ENOSF1: variants seen among roughly 807,000 people sequenced by gnomAD.
ENOSF1 encodes the protein enolase superfamily member 1.
In ENOSF1, 73 loss-of-function variants were observed where a neutral mutation model predicts 68.2. The observed-to-expected ratio is 1.07, with a 90% CI of 0.89 to 1.30. The LOEUF is 1.30. ENOSF1 is among the 50% of genes most tolerant of loss of function. The probability of loss-of-function intolerance (pLI) is 0.00; values close to 1 mark genes in which losing one functional copy is unlikely to be tolerated. For missense variants in ENOSF1, 589 were observed against 554.5 expected, an observed-to-expected ratio of 1.06 and a Z score of -0.62; for synonymous variants, 223 against 210.4, an observed-to-expected ratio of 1.06 and a Z score of -0.52.
chr18:697,786 G>GTTTTC (rs369038456), intron 2 of ENOSF1, among the ~76,000 whole-genome samples: 22 of 152,106 alleles, frequency 1.4e-4, no homozygotes, highest in Middle Eastern at 3.4e-3. Context: ...CATCAAATAT[G>GTTTTC]TTTTCTTTTC....
At chr18:684,112 G>A (rs562124899) in intron 10 of ENOSF1, among the ~76,000 whole-genome samples, 1 of 151,922 alleles carries the variant, frequency 6.6e-6, no homozygotes, top group Admixed American at 6.6e-5. Flanking sequence ...TCCTGCCTCA[G>A]CCTCCCGAGT....
At position 673,054 on chromosome 18, in the gene ENOSF1, C is replaced by T. The variant is rs2075139288; in HGVS notation, c.*1251G>A. ...CAGTCTTTAGGGGTTGGGCTGGATG[C>T]CGAGGTAAAAGTTCTTTTTGCTCTA... On this transcript the variant is annotated 3_prime_UTR_variant, in exon 16 of 16. Coordinates refer to ENST00000647584, the MANE Select transcript of ENOSF1 (RefSeq NM_017512.7). The T allele has an allele frequency of 2.8e-6, 4 of 1,438,618 alleles. No individual in the cohort carries two copies. The highest frequency in any genetic ancestry group is 1.7e-5 in the South Asian group (1 of 58,142). 89.1% of individuals were successfully genotyped at this position (1,438,618 alleles called of 1,614,324 possible).
chr18:672,814 C>A lies in ENOSF1; in HGVS notation c.*1491G>T. 1.3e-6 allele frequency: 2 copies of A among 1,528,864 alleles called. No individual in the cohort carries two copies. Among genetic ancestry groups the A allele is most frequent in the Non-Finnish European group, 1.8e-6 (2 of 1,123,290 alleles). The allele number at this position is 1,528,864 out of a possible 1,614,324, so 94.7% of individuals were successfully genotyped here. ...TCACGGACATGAGGAGCAATTACAACAGGTCGTACAATTATGGCAAAATAA... is the reference window on the plus strand; with the variant it reads ...TCACGGACATGAGGAGCAATTACAAAAGGTCGTACAATTATGGCAAAATAA... On this transcript the variant is annotated 3_prime_UTR_variant, in exon 16 of 16. Coordinates refer to ENST00000647584, the MANE Select transcript of ENOSF1 (RefSeq NM_017512.7).
chr18:667,991 A>G (rs897510851), downstream of ENOSF1, among the ~76,000 whole-genome samples: 4 of 74,914 alleles, frequency 5.3e-5, no homozygotes, highest in East Asian at 3.3e-3. Context: ...GATTCACAGG[A>G]ATTTTTTTTT....
At chr18:675,462 C>T in intron 14 of ENOSF1, 60 bp from the exon 15 acceptor site, 1 of 1,439,808 alleles carries the variant, frequency 6.9e-7, no homozygotes, top group Non-Finnish European at 9.7e-7. Context: ...TCACGTGGTG[C>T]TAACTTAAAG....
At chr18:701,518 G>T (rs1238164785) in intron 2 of ENOSF1, among the ~76,000 whole-genome samples, 1 of 152,170 alleles carries the variant, frequency 6.6e-6, no homozygotes, top group Non-Finnish European at 1.5e-5. Context: ...ACTTTGGGAG[G>T]TCAAGGCGGG....
In ENOSF1 at chr18:673,238, A is replaced by T. The variant is rs994647259; in HGVS notation, c.*1067T>A. 109 of 354,280 alleles carry T rather than the reference A, an allele frequency of 3.1e-4. No homozygotes were observed. The highest frequency in any genetic ancestry group is 7.7e-4 in the Middle Eastern group (1 of 1,306). 21.9% of individuals were successfully genotyped at this position (354,280 alleles called of 1,614,324 possible). A position where few individuals can be genotyped will look rare whatever the true frequency, so the allele number is the denominator to read the frequency against. On this transcript the variant is annotated 3_prime_UTR_variant, in exon 16 of 16. Transcript: ENST00000647584. ...ATCTGACAATGCTGAGGTTATGAAC[A>T]AAGTGAGGAGAATGAAATGTATGTG...
intron 2 of ENOSF1, among the ~76,000 whole-genome samples, chr18:704,247 G>A (rs1203723520): frequency 1.3e-5 from 2 of 151,738 alleles, no homozygotes; most frequent in Admixed American, 6.6e-5. Context: ...GACCAAACAT[G>A]GTGAAACCTC....
At chr18:677,263 G>A in intron 14 of ENOSF1, 82 bp downstream of exon 14, 1 of 1,172,676 alleles carries the variant, frequency 8.5e-7, no homozygotes. Context: ...GTGTGTTCTG[G>A]TCATGAAGGC....
intron 5 of ENOSF1, chr18:693,367 G>A (rs1212386000): frequency 8.5e-7 from 1 of 1,174,992 alleles, no homozygotes; most frequent in Non-Finnish European, 1.1e-6. Context: ...TGTCACCTGA[G>A]TGCAGTGGTG....
chr18:684,116 C>T (rs2076385680), intron 10 of ENOSF1, among the ~76,000 whole-genome samples: 1 of 151,990 alleles, frequency 6.6e-6, no homozygotes, highest in South Asian at 2.1e-4. Flanking sequence ...GCCTCAGCCT[C>T]CCGAGTAGCT....
At chr18:667,692 A>T (rs963890803), downstream of ENOSF1, 3 of 152,200 alleles carry the variant, frequency 2.0e-5, no homozygotes, top group African/African-American at 7.2e-5. Flanking sequence ...GGCAAGTTTA[A>T]TATTATGTGT....
chr18:683,209 A>G, intron 11 of ENOSF1, 37 bp downstream of exon 11: 2 of 1,611,690 alleles, frequency 1.2e-6, no homozygotes, highest in African/African-American at 1.3e-5. Flanking sequence ...CTAAACAGAA[A>G]AATAAGCTGC....
chr18:693,758 C>T, intron 5 of ENOSF1, 124 bp downstream of exon 5: 1 of 1,483,132 alleles, frequency 6.7e-7, no homozygotes, highest in Non-Finnish European at 9.0e-7. Flanking sequence ...TGGCTTTTTG[C>T]TTTATCATCG....
chr18:700,405 G>C (rs1161719720), intron 2 of ENOSF1, among the ~76,000 whole-genome samples: 1 of 152,196 alleles, frequency 6.6e-6, no homozygotes, highest in Non-Finnish European at 1.5e-5. Context: ...TTTGATTGTT[G>C]CTATAAATCA....
intron 2 of ENOSF1, among the ~76,000 whole-genome samples, chr18:702,217 T>A (rs2981292): frequency 1.5e-5 from 2 of 137,764 alleles, no homozygotes; most frequent in African/African-American, 5.6e-5. Context: ...TGAGCAGAGA[T>A]TGTGCTACTG....
At position 675,349 on chromosome 18, in the gene ENOSF1, A is replaced by G. The variant is rs753647529; in HGVS notation, c.1202T>C (p.Ile401Thr). Residue 401 changes from isoleucine (I) to threonine (T), a missense_variant, in exon 15 of 16, where the codon ATC becomes ACC. Physicochemically the swap from Ile to Thr is moderately conservative, Grantham distance 89 (BLOSUM62 -1). Transcript: ENST00000647584. ...GGGAGGCATGTAGGAAGCCCGCTGG[A>G]TCATCACGGGATACTTGAAATGCTC... ...LHEHFKYPVMIQRASYMPPKD... is the reference protein window; with the variant it reads ...LHEHFKYPVMTQRASYMPPKD... The G allele has an allele frequency of 2.5e-6, 4 of 1,612,882 alleles. No individual in the cohort carries two copies. The highest frequency in any genetic ancestry group is 3.4e-6 in the Non-Finnish European group (4 of 1,179,788).
At chr18:711,254 G>C (rs1451097511) in intron 1 of ENOSF1, among the ~76,000 whole-genome samples, 3 of 152,042 alleles carry the variant, frequency 2.0e-5, no homozygotes, top group Admixed American at 6.6e-5. Context: ...ATCTCAAAAA[G>C]GACATTGTTT....
At chr18:692,994 T>A in intron 5 of ENOSF1, 1 of 1,177,028 alleles carries the variant, frequency 8.5e-7, no homozygotes, top group Non-Finnish European at 1.1e-6. Context: ...ACGAGGTTTT[T>A]AACCGCCACC....
Sources: allele counts gnomAD v4.1 joint callset (sites outside exome capture counted in the v4.1 genomes callset), GRCh38; gene constraint gnomAD v4.1.1; transcripts MANE v1.5; gene names NCBI Gene and HGNC (gene_info 2026-07-23, HGNC 2026-07-21).